The following PCDHA6 variants were observed in gnomAD, a reference collection of about 807,000 sequenced individuals.
PCDHA6 encodes the protein protocadherin alpha 6, also known as protocadherin alpha-6.
PCDHA6 carries 55 observed loss-of-function variants against 60.3 expected under a neutral mutation model. The ratio of observed to expected loss-of-function variants is 0.91; its 90% CI spans 0.73 to 1.14. The LOEUF (loss-of-function observed/expected upper bound fraction) is 1.14, where lower values mean the gene tolerates loss of function less well. PCDHA6 is among the 50% of genes most tolerant of loss of function. PCDHA6 has a pLI of 0.00. For synonymous variants in PCDHA6, 652 were observed against 557.9 expected (o/e 1.17, Z -2.38); for missense variants, 1,327 against 1,256.5 (o/e 1.06, Z -0.85).
At chr5:140,846,453 C>G (rs1465090766) in intron 1 of PCDHA6, among the ~76,000 whole-genome samples, 2 of 138,248 alleles carry the variant, frequency 1.4e-5, no homozygotes, top group Non-Finnish European at 3.1e-5. Flanking sequence ...CGGCTCACTG[C>G]AACCTCTGCC....
At chr5:140,969,253 C>T in intron 1 of PCDHA6, 3 of 1,614,202 alleles carry the variant, frequency 1.9e-6, no homozygotes, top group Non-Finnish European at 2.5e-6. Flanking sequence ...TGACTGACAG[C>T]AGGAATCTCA....
At chr5:141,006,035 G>T (rs529655038) in intron 3 of PCDHA6, among the ~76,000 whole-genome samples, 7 of 151,222 alleles carry the variant, frequency 4.6e-5, no homozygotes, top group Admixed American at 2.0e-4. Flanking sequence ...GTAAGAGGGA[G>T]ATTTGTAGAT....
intron 1 of PCDHA6, chr5:140,869,167 G>T (rs782094054): frequency 1.2e-6 from 2 of 1,613,864 alleles, no homozygotes; most frequent in East Asian, 4.5e-5. Flanking sequence ...TCTCCTCCTC[G>T]AATTCTGGGA....
At chr5:140,967,226 C>G (rs782350843) in intron 1 of PCDHA6, 1 of 1,613,746 alleles carries the variant, frequency 6.2e-7, no homozygotes, top group Non-Finnish European at 8.5e-7. Flanking sequence ...GCCCAACTAC[C>G]AGCTTCAGGT....
chr5:140,854,159 CA>C (rs59855104), intron 1 of PCDHA6: 9,606 of 340,020 alleles, frequency 0.028, 6 homozygotes, highest in Non-Finnish European at 0.032. Context: ...GATTCTGTCT[CA>C]AAAAAAAAAA....
intron 1 of PCDHA6, chr5:140,870,979 T>C: frequency 6.2e-7 from 1 of 1,613,556 alleles, no homozygotes; most frequent in Non-Finnish European, 8.5e-7. Flanking sequence ...CGTGGGGCTG[T>C]ACACGGGCGA....
chr5:140,967,127 T>C (rs155808), intron 1 of PCDHA6: 558,768 of 1,612,332 alleles, frequency 0.35, 98,550 homozygotes, highest in East Asian at 0.51. Flanking sequence ...CCTGCTCAGC[T>C]TGGAAGTGCT....
chr5:140,952,338 C>CA (rs55931446), intron 1 of PCDHA6, among the ~76,000 whole-genome samples: 315 of 135,024 alleles, frequency 2.3e-3, no homozygotes, highest in East Asian at 0.011. Context: ...AACTCCATCT[C>CA]AAAAAAAAAA....
At chr5:140,988,226 G>C (rs1375369387) in intron 3 of PCDHA6, among the ~76,000 whole-genome samples, 2 of 152,154 alleles carry the variant, frequency 1.3e-5, no homozygotes, top group Non-Finnish European at 2.9e-5. Context: ...TGAGATCAGG[G>C]ATCTATGTGA....
chr5:140,884,042 G>A (rs1554181105), intron 1 of PCDHA6: 4 of 1,613,464 alleles, frequency 2.5e-6, no homozygotes, highest in Non-Finnish European at 3.4e-6. Flanking sequence ...CCACGTGGTG[G>A]CGAAGGTGCG....
chr5:140,842,246 G>C (rs1289361551), intron 1 of PCDHA6: 13 of 1,611,852 alleles, frequency 8.1e-6, no homozygotes, highest in Non-Finnish European at 1.1e-5. Flanking sequence ...GGGTAATTTG[G>C]ATTTTGAACA....
At chr5:140,833,869 A>G (rs1554133991) in intron 1 of PCDHA6, among the ~76,000 whole-genome samples, 4 of 152,220 alleles carry the variant, frequency 2.6e-5, no homozygotes, top group Non-Finnish European at 5.9e-5. Flanking sequence ...AATCAAGAAT[A>G]TGAAGTTTCC....
chr5:140,987,213 C>CA (rs58319157), intron 3 of PCDHA6, among the ~76,000 whole-genome samples: 3,048 of 118,770 alleles, frequency 0.026, 41 homozygotes, highest in Middle Eastern at 0.12. Flanking sequence ...GACTCCATCT[C>CA]AAAAAAAAAA....
chr5:140,957,446 C>T (rs1357499949), intron 1 of PCDHA6, among the ~76,000 whole-genome samples: 2 of 152,216 alleles, frequency 1.3e-5, no homozygotes, highest in East Asian at 1.9e-4. Context: ...TTATAAATCA[C>T]ACTTTATCAT....
At chr5:140,995,267 C>T (rs552857413) in intron 3 of PCDHA6, among the ~76,000 whole-genome samples, 1 of 152,192 alleles carries the variant, frequency 6.6e-6, no homozygotes, top group Non-Finnish European at 1.5e-5. Context: ...GAATACAAGC[C>T]CTTTGATACC....
chr5:140,926,857 T>C (rs782114974), intron 1 of PCDHA6: 12 of 1,520,736 alleles, frequency 7.9e-6, no homozygotes, highest in Admixed American at 2.2e-5. Context: ...ACCGTTGGTG[T>C]AGCGTGTTGG....
At chr5:140,855,286 A>G (rs1387384974) in intron 1 of PCDHA6, among the ~76,000 whole-genome samples, 2 of 149,848 alleles carry the variant, frequency 1.3e-5, no homozygotes, top group Non-Finnish European at 3.0e-5. Flanking sequence ...CCGTATTACT[A>G]TTAGGCCAAA....
chr5:140,834,978 CTT>C (rs1344020761), intron 1 of PCDHA6: 1 of 1,479,296 alleles, frequency 6.8e-7, no homozygotes, highest in Non-Finnish European at 9.1e-7. Flanking sequence ...ATTACGGAAA[CTT>C]TTAGACAGAG....
rs546789240 is a variant in PCDHA6 at position 140,938,168 on chromosome 5, G to A, written c.2395-40781G>A. Among the ~76,000 whole-genome samples, 6 of 152,184 alleles carry A rather than the reference G, an allele frequency of 3.9e-5. No homozygotes were observed. The South Asian group carries it at 1.2e-3, about 32-fold the overall frequency. Reference sequence around the variant, plus strand: ...ACTACATTGCCCAGGCTAGTCTGGAGCTCCTGGGCTCAAGCAATCCTCCCA... The same window carrying A: ...ACTACATTGCCCAGGCTAGTCTGGAACTCCTGGGCTCAAGCAATCCTCCCA... On this transcript the variant is annotated intron_variant, in intron 1 of 3. Coordinates refer to ENST00000529310, the MANE Select transcript of PCDHA6 (RefSeq NM_018909.4).
Sources: allele counts gnomAD v4.1 joint callset (sites outside exome capture counted in the v4.1 genomes callset), GRCh38; gene constraint gnomAD v4.1.1; transcripts MANE v1.5; gene names NCBI Gene and HGNC (gene_info 2026-07-23, HGNC 2026-07-21).